KIAA1328: variants seen among roughly 807,000 people sequenced by gnomAD.
KIAA1328 encodes KIAA1328.
KIAA1328 carries 52 observed loss-of-function variants against 68.1 expected under a neutral mutation model. The ratio of observed to expected loss-of-function variants is 0.76; its 90% CI spans 0.61 to 0.96. The LOEUF (loss-of-function observed/expected upper bound fraction) is 0.96. Among genes scored for constraint, KIAA1328 ranks in the 40% least tolerant of loss-of-function variants. KIAA1328 has a pLI of 0.00. For missense variants in KIAA1328, 641 were observed against 677.6 expected (o/e 0.95, Z 0.60); for synonymous variants, 232 against 239.4 (o/e 0.97, Z 0.28).
chr18:36,908,101 G>C (rs2049288452), intron 5 of KIAA1328, among the ~76,000 whole-genome samples: 1 of 151,934 alleles, frequency 6.6e-6, no homozygotes, highest in Admixed American at 6.6e-5. Context: ...AACTGAATTG[G>C]CTCGTTAAAT....
At chr18:36,917,458 A>G (rs2049752238) in intron 5 of KIAA1328, among the ~76,000 whole-genome samples, 1 of 152,100 alleles carries the variant, frequency 6.6e-6, no homozygotes, top group African/African-American at 2.4e-5. Context: ...GTGGCCTCAG[A>G]CAATCCTCCT....
chr18:36,905,926 C>T (rs2049204137), intron 5 of KIAA1328, among the ~76,000 whole-genome samples: 1 of 152,126 alleles, frequency 6.6e-6, no homozygotes, highest in African/African-American at 2.4e-5. Flanking sequence ...GAGAACCCTG[C>T]CTCCCAACTT....
At chr18:37,170,217 A>G (rs1037783471) in intron 8 of KIAA1328, among the ~76,000 whole-genome samples, 1 of 152,014 alleles carries the variant, frequency 6.6e-6, no homozygotes, top group Non-Finnish European at 1.5e-5. Context: ...CATTGTTGTT[A>G]CTGTTTTATT....
intron 6 of KIAA1328, among the ~76,000 whole-genome samples, chr18:37,036,680 G>A (rs969298589): frequency 3.9e-5 from 6 of 152,092 alleles, no homozygotes; most frequent in African/African-American, 1.4e-4. Context: ...TAGTTTAAAT[G>A]CCCAAAGGCC....
intron 6 of KIAA1328, among the ~76,000 whole-genome samples, chr18:36,998,549 G>A (rs562163702): frequency 2.6e-5 from 4 of 152,296 alleles, no homozygotes; most frequent in East Asian, 1.9e-4. Context: ...TTAGTCCACC[G>A]CTGCCACCAC....
At chr18:37,227,400 G>C (rs767634656), downstream of KIAA1328, among the ~76,000 whole-genome samples, 1 of 152,214 alleles carries the variant, frequency 6.6e-6, no homozygotes, top group Non-Finnish European at 1.5e-5. Context: ...CGTAACTAGA[G>C]AGGAGAAGTC....
chr18:37,060,609 A>G (rs925553890), intron 6 of KIAA1328, among the ~76,000 whole-genome samples: 3 of 152,174 alleles, frequency 2.0e-5, no homozygotes, highest in African/African-American at 7.2e-5. Flanking sequence ...ATAAAGTTAA[A>G]CGTATGCCTA....
chr18:37,143,155 G>A (rs759694942), intron 7 of KIAA1328, among the ~76,000 whole-genome samples: 5 of 151,828 alleles, frequency 3.3e-5, no homozygotes, highest in Admixed American at 6.6e-5. Context: ...GGATTTTGCC[G>A]TGTTGGTCAG....
chr18:37,121,060 T>G (rs915656420), intron 7 of KIAA1328, among the ~76,000 whole-genome samples: 1 of 152,032 alleles, frequency 6.6e-6, no homozygotes, highest in Non-Finnish European at 1.5e-5. Flanking sequence ...AAAATTATAA[T>G]GAAAAGAATA....
At chr18:36,881,059 A>G (rs1027247727) in intron 4 of KIAA1328, among the ~76,000 whole-genome samples, 1 of 151,948 alleles carries the variant, frequency 6.6e-6, no homozygotes, top group Admixed American at 6.6e-5. Context: ...AAATTTTGGT[A>G]TCAAGGTATG....
At chr18:37,075,701 G>A (rs1229675777) in intron 7 of KIAA1328, 1 of 152,154 alleles carries the variant, frequency 6.6e-6, no homozygotes, top group African/African-American at 2.4e-5. Context: ...TGATAAAACA[G>A]ACTTTAAACC....
In KIAA1328 at chr18:37,176,319, A is replaced by T. The variant is rs1351408203; in HGVS notation, c.1523+3238A>T. The stretch of plus-strand genomic sequence containing the variant: ...TTGCTTTTAAGGTTCAATAATACTG[A>T]CCATAAGACATCAATATCACTTATC... On this transcript the variant is annotated intron_variant, in intron 9 of 9. Transcript: ENST00000280020. Among the ~76,000 whole-genome samples the T allele has an allele frequency of 2.6e-5, 4 of 152,236 alleles. No individual in the cohort carries two copies. In the East Asian group the frequency reaches 7.7e-4, roughly 29 times the overall value.
At chr18:37,215,507 C>T (rs775325870) in intron 9 of KIAA1328, among the ~76,000 whole-genome samples, 5 of 152,150 alleles carry the variant, frequency 3.3e-5, no homozygotes, top group African/African-American at 7.2e-5. Flanking sequence ...CCAACTTGAT[C>T]GTGGTGGATA....
intron 7 of KIAA1328, among the ~76,000 whole-genome samples, chr18:37,099,430 G>A (rs2057526726): frequency 6.6e-6 from 1 of 152,202 alleles, no homozygotes; most frequent in South Asian, 2.1e-4. Context: ...TTGCACTGTG[G>A]TCTGAGAGAC....
At chr18:36,877,963 G>T (rs531895264) in intron 4 of KIAA1328, among the ~76,000 whole-genome samples, 12 of 151,836 alleles carry the variant, frequency 7.9e-5, no homozygotes, top group Non-Finnish European at 7.4e-5. Flanking sequence ...CACTGCACCC[G>T]GCCCAGTCTG....
intron 6 of KIAA1328, among the ~76,000 whole-genome samples, chr18:37,037,359 T>G (rs2055068128): frequency 6.6e-6 from 1 of 152,218 alleles, no homozygotes; most frequent in South Asian, 2.1e-4. Flanking sequence ...AGGGTTCATT[T>G]AGTTACTGTA....
chr18:36,935,903 A>C (rs1456775635), intron 5 of KIAA1328, among the ~76,000 whole-genome samples: 4 of 152,144 alleles, frequency 2.6e-5, no homozygotes, highest in African/African-American at 9.7e-5. Context: ...GTGTCAGTAA[A>C]ACTCTATTAT....
At chr18:37,185,398 G>A (rs72896200) in intron 9 of KIAA1328, among the ~76,000 whole-genome samples, 1 of 152,024 alleles carries the variant, frequency 6.6e-6, no homozygotes, top group Non-Finnish European at 1.5e-5. Context: ...TTATAGGGAG[G>A]ACACCAACCA....
chr18:37,071,244 T>C (rs2056522061), intron 7 of KIAA1328, among the ~76,000 whole-genome samples: 1 of 151,846 alleles, frequency 6.6e-6, no homozygotes, highest in Non-Finnish European at 1.5e-5. Flanking sequence ...AGCTAGTTTT[T>C]GCATTGTTTG....
Sources: gnomAD v4.1 joint callset for allele counts (sites outside exome capture counted in the v4.1 genomes callset) on GRCh38, gnomAD v4.1.1 for gene constraint, MANE v1.5 for transcripts, NCBI Gene and HGNC (gene_info 2026-07-23, HGNC 2026-07-21) for gene names.